Variants in HECTD4 observed in about 807,000 individuals in gnomAD.
HECTD4 encodes the protein HECT domain E3 ubiquitin protein ligase 4, also known as probable E3 ubiquitin-protein ligase HECTD4.
HECTD4 carries 114 observed loss-of-function variants against 471.5 expected under a neutral mutation model. The ratio of observed to expected loss-of-function variants is 0.24; its 90% confidence interval spans 0.21 to 0.28. HECTD4 has a LOEUF of 0.28. Among genes scored for constraint, HECTD4 ranks in the 10% least tolerant of loss-of-function variants. The pLI, the probability that HECTD4 is intolerant of heterozygous loss-of-function variation, is 1.00. For missense variants in HECTD4, 3,866 were observed against 5,651.5 expected (o/e 0.68, Z 10.13); for synonymous variants, 2,012 against 2,256.0 (o/e 0.89, Z 3.07).
chr12:112,267,107 G>A, intron 13 of HECTD4, 125 bp from the exon 14 acceptor site: 1 of 636,492 alleles, frequency 1.6e-6, no homozygotes, highest in South Asian at 2.0e-5. Context: ...TGCGACATCT[G>A]TCACCCCATT....
intron 1 of HECTD4, among the ~76,000 whole-genome samples, chr12:112,343,381 T>TA (rs2135728553): frequency 6.6e-6 from 1 of 152,368 alleles, no homozygotes; most frequent in South Asian, 2.1e-4. Context: ...AAGCTTTATG[T>TA]ATGACATGGC....
At chr12:112,170,170 G>A in intron 69 of HECTD4, 163 bp downstream of exon 69, 1 of 979,928 alleles carries the variant, frequency 1.0e-6, no homozygotes, top group Non-Finnish European at 1.5e-6. Context: ...CTGAGCTCCT[G>A]AGGGGACCTT....
Position 112,314,490 on chromosome 12 carries a change from A to G in HECTD4, c.752T>C (p.Leu251Pro), listed in dbSNP as rs973604201. 7.8e-6 allele frequency: 12 copies of G among 1,532,110 alleles called. No homozygotes were observed. The Admixed American group carries it at 2.4e-4, about 30-fold the overall frequency. The allele number at this position is 1,532,110 out of a possible 1,614,324, so 94.9% of individuals were successfully genotyped here. Residue 251 changes from leucine (L) to proline (P), a missense_variant, in exon 3 of 76, where the codon CTA becomes CCA. By Grantham distance (98) the Leu-to-Pro change is moderately conservative (BLOSUM62 -3). This residue lies in a region of HECTD4 where 440 missense variants were observed against 636.0 expected (regional missense o/e 0.69). Transcript: ENST00000682272. Reference sequence around the variant, plus strand: ...CACATCAGCTACAGGCAGGGACCCTAGATCCGTCTGTTTCTGTAATAGATG... The same window carrying G: ...CACATCAGCTACAGGCAGGGACCCTGGATCCGTCTGTTTCTGTAATAGATG... ...TVHLLQKQTD[L>P]GSLPVADVLY...
rs774436023 is a variant in HECTD4, at chr12:112,228,826, A to G, written c.6520-15T>C. On this transcript the variant is annotated splice_polypyrimidine_tract_variant and intron_variant, in intron 41 of 75. Transcript: ENST00000682272. This position sits in a 1 kb window ranked among gnomAD's most constrained non-coding sequence, Gnocchi z 4.9. Reference sequence around the variant, plus strand: ...CTACCTAAAACCTGGAGACAGACATAGATTAGCACTACCAACCAGCTCTGA... The same window carrying G: ...CTACCTAAAACCTGGAGACAGACATGGATTAGCACTACCAACCAGCTCTGA... 1 of 1,612,412 alleles carries G rather than the reference A, an allele frequency of 6.2e-7. No homozygotes were observed. The highest frequency in any genetic ancestry group is 8.5e-7 in the Non-Finnish European group (1 of 1,179,444).
Position 112,302,540 on chromosome 12 carries a change from C to G in HECTD4, c.1335+3524G>C, listed in dbSNP as rs2035187504. On this transcript the variant is annotated intron_variant, in intron 7 of 75. Coordinates refer to ENST00000682272, the MANE Select transcript of HECTD4 (RefSeq NM_001388303.1). ...GTGAGTTCTCTTTTGGGCTGGATGT[C>G]CTGTCCAATACCAAAATTCTTACGC... 4.2e-6 allele frequency: 3 copies of G among 718,406 alleles called. No homozygotes were observed. The South Asian group carries it at 4.3e-5, about 10-fold the overall frequency. The allele number at this position is 718,406 out of a possible 1,614,324, so 44.5% of individuals were successfully genotyped here. A position where few individuals can be genotyped will look rare whatever the true frequency, so the allele number is the denominator to read the frequency against.
Position 112,366,880 on chromosome 12 carries a change from C to CA in HECTD4, c.177+15071dup, listed in dbSNP as rs575561407. ...GGGCAACAAGAGTGAAACTCTGTCT[C>CA]AAAAAAAAAAAAAAAAGAAAGAAAA... On this transcript the variant is annotated intron_variant, in intron 1 of 75. Coordinates refer to ENST00000682272, the MANE Select transcript of HECTD4 (RefSeq NM_001388303.1). Among the ~76,000 whole-genome samples, 626 of 68,380 alleles carry CA rather than the reference C, an allele frequency of 9.2e-3. 4 individuals carry two copies. Among genetic ancestry groups the CA allele is most frequent in the South Asian group, 0.02 (44 of 2,154 alleles). The allele number at this position is 68,380 out of a possible 152,430, so 44.9% of individuals were successfully genotyped here.
At chr12:112,176,106 C>T (rs898517899) in intron 65 of HECTD4, among the ~76,000 whole-genome samples, 1 of 152,244 alleles carries the variant, frequency 6.6e-6, no homozygotes, top group Non-Finnish European at 1.5e-5. Context: ...TTCCCACATC[C>T]CCTCTTTCTA....
intron 7 of HECTD4, among the ~76,000 whole-genome samples, chr12:112,288,774 T>TG (rs1843242930): frequency 6.6e-6 from 1 of 152,178 alleles, no homozygotes; most frequent in African/African-American, 2.4e-5. Flanking sequence ...CCCTAGAGGA[T>TG]GACAGGCCAT....
In HECTD4 at chr12:112,251,050, T is replaced by C. The variant is rs2033872738; in HGVS notation, c.3637A>G (p.Arg1213Gly). 1 of 1,614,032 alleles carries C rather than the reference T, an allele frequency of 6.2e-7. No individual in the cohort carries two copies. Among genetic ancestry groups the C allele is most frequent in the Non-Finnish European group, 8.5e-7 (1 of 1,179,888 alleles). ...ATTTCTGGTCCATTGTACAGGATTC[T>C]TAACATGGAACAAGCTAACACAGAC... The part of the protein sequence containing the change: ...GLSVLACSML[R>G]ILYNGPEITK... Residue 1213 changes from arginine to glycine, a missense_variant, in exon 24 of 76, where the codon AGA becomes GGA. Arg to Gly is a moderately radical substitution (Grantham distance 125). Transcript: ENST00000682272.
Position 112,314,439 on chromosome 12 carries a change from T to C in HECTD4, c.785+18A>G. The C allele has an allele frequency of 1.4e-5, 19 of 1,361,730 alleles. No individual in the cohort carries two copies. The highest frequency in any genetic ancestry group is 1.9e-5 in the Non-Finnish European group (19 of 988,660). 84.4% of individuals were successfully genotyped at this position (1,361,730 alleles called of 1,614,324 possible). A position where few individuals can be genotyped will look rare whatever the true frequency, so the allele number is the denominator to read the frequency against. On this transcript the variant is annotated intron_variant, in intron 3 of 75. Transcript: ENST00000682272. ...GCCTAGTTTGGAAGGAGGGTAAGGA[T>C]ACAAAGTGACAACTTACCTATATAG...
chr12:112,190,556 C>G (rs931065954), intron 60 of HECTD4, among the ~76,000 whole-genome samples: 1 of 152,160 alleles, frequency 6.6e-6, no homozygotes, highest in African/African-American at 2.4e-5. Context: ...TGGTTAGTTT[C>G]CAATCCTCAA....
intron 54 of HECTD4, chr12:112,201,398 C>CA (rs1389886425): frequency 6.5e-6 from 1 of 154,768 alleles, no homozygotes; most frequent in African/African-American, 2.4e-5. Context: ...AGCCAGGAAT[C>CA]AGAGAGATTT....
intron 72 of HECTD4, among the ~76,000 whole-genome samples, chr12:112,165,008 G>A (rs898875275): frequency 6.8e-6 from 1 of 147,852 alleles, no homozygotes; most frequent in African/African-American, 2.5e-5. Flanking sequence ...TGCAACCTCT[G>A]CCTCCTGGGT....
chr12:112,269,393 C>G (rs1422036352), intron 13 of HECTD4, among the ~76,000 whole-genome samples: 1 of 152,148 alleles, frequency 6.6e-6, no homozygotes, highest in Non-Finnish European at 1.5e-5. Flanking sequence ...TCTTAACCAC[C>G]CTGCCACACT....
chr12:112,371,397 G>A (rs903443408), intron 1 of HECTD4, among the ~76,000 whole-genome samples: 5 of 152,118 alleles, frequency 3.3e-5, no homozygotes, highest in African/African-American at 1.2e-4. Flanking sequence ...CCAACGTAGT[G>A]AAACCCCATC....
intron 8 of HECTD4, among the ~76,000 whole-genome samples, chr12:112,280,676 A>G (rs972048706): frequency 2.0e-5 from 3 of 152,240 alleles, no homozygotes; most frequent in Admixed American, 1.3e-4. Context: ...AGACAGCAAT[A>G]ATTGGAAAAT....
intron 27 of HECTD4, 70 bp from the exon 28 acceptor site, chr12:112,247,620 C>T: frequency 1.6e-6 from 1 of 607,054 alleles, no homozygotes. Context: ...TTAAAATGAA[C>T]AGAAAATTTC....
Position 112,239,078 on chromosome 12 carries a change from C to T in HECTD4, c.5264G>A (p.Arg1755His), listed in dbSNP as rs769778255. The change falls in exon 34 of 76, where the codon CGC (arginine) becomes CAC (histidine). Residue 1755 changes from arginine to histidine, a missense_variant. This residue lies in a region of HECTD4 where 229 missense variants were observed against 386.4 expected (regional missense o/e 0.59). Transcript: ENST00000682272. The surrounding 1 kb of genome is among the most constrained non-coding windows in gnomAD (Gnocchi z 4.9). ...AWAAFQVLAN[R>H]CVEWEKEEGG... ...TTCCTCTTTTTCCCACTCAACACAG[C>T]GGTTGGCAAGCACCTGGAAGGCAGC... 13 of 1,613,004 alleles carry T rather than the reference C, an allele frequency of 8.1e-6. No homozygotes were observed. Among genetic ancestry groups the T allele is most frequent in the South Asian group, 1.1e-5 (1 of 90,822 alleles).
intron 15 of HECTD4, 96 bp downstream of exon 15, chr12:112,265,778 ATTAG>A: frequency 4.9e-6 from 4 of 813,770 alleles, no homozygotes; most frequent in Non-Finnish European, 8.1e-6. Flanking sequence ...TAACGATCGT[ATTAG>A]TTATAACAGG....
Sources: allele counts gnomAD v4.1 joint callset (sites outside exome capture counted in the v4.1 genomes callset), GRCh38; gene constraint gnomAD v4.1.1; regional missense constraint gnomAD v4.1.1; non-coding constraint Gnocchi (gnomAD v3.1); transcripts MANE v1.5; gene names NCBI Gene and HGNC (gene_info 2026-07-23, HGNC 2026-07-21).